Variants in SYT16 observed in about 807,000 individuals in gnomAD.
The protein encoded by SYT16 is synaptotagmin-16.
SYT16 carries 42 observed loss-of-function variants against 61.4 expected under a neutral mutation model. The observed-to-expected ratio is 0.68, with a 90% CI of 0.53 to 0.89. SYT16 has a LOEUF of 0.89. SYT16 is among the 40% of genes least tolerant of loss of function. SYT16 has a pLI of 0.00. For synonymous variants in SYT16, 314 were observed against 302.3 expected (o/e 1.04, Z -0.40); for missense variants, 804 against 807.3 (o/e 1.00, Z 0.05).
chr14:61,959,059 T>C (rs1041412850), intron 1 of SYT16, among the ~76,000 whole-genome samples: 1 of 152,148 alleles, frequency 6.6e-6, no homozygotes, highest in African/African-American at 2.4e-5. Flanking sequence ...CTAATATGAG[T>C]ATAGCCACTT....
chr14:61,946,556 A>T (rs2050446335), intron 1 of SYT16, among the ~76,000 whole-genome samples: 1 of 152,210 alleles, frequency 6.6e-6, no homozygotes, highest in Admixed American at 6.5e-5. Flanking sequence ...AATATATTTT[A>T]AAAAAGAAAA....
At chr14:62,005,615 A>G (rs1200618865) in intron 3 of SYT16, among the ~76,000 whole-genome samples, 1 of 152,148 alleles carries the variant, frequency 6.6e-6, no homozygotes, top group Non-Finnish European at 1.5e-5. Flanking sequence ...TTTCCATTTC[A>G]CAGGCAAAAT....
chr14:62,004,131 A>G (rs1241743109), intron 3 of SYT16, among the ~76,000 whole-genome samples: 1 of 152,170 alleles, frequency 6.6e-6, no homozygotes, highest in Non-Finnish European at 1.5e-5. Context: ...ATAAAGAAAA[A>G]AGCTTTAATT....
chr14:61,980,895 T>C (rs17734069), intron 2 of SYT16, among the ~76,000 whole-genome samples: 31,649 of 152,056 alleles, frequency 0.21, 3,714 homozygotes, highest in Non-Finnish European at 0.27. Context: ...GTAATGGCTA[T>C]AGGGAGCTCT....
At chr14:62,046,758 A>G (rs1285049874) in intron 3 of SYT16, among the ~76,000 whole-genome samples, 1 of 152,096 alleles carries the variant, frequency 6.6e-6, no homozygotes, top group Non-Finnish European at 1.5e-5. Context: ...AAGATCAGAT[A>G]GTTGTAGATA....
chr14:62,107,487 G>T lies in SYT16; in HGVS notation c.*6780G>T, dbSNP rs1194839069. ...TGTAAATGTTCCAGACTCAGGGTTAGGGGTTGGAGAATGGCAGATGGATAA... is the reference window on the plus strand; with the variant it reads ...TGTAAATGTTCCAGACTCAGGGTTATGGGTTGGAGAATGGCAGATGGATAA... On this transcript the variant is annotated 3_prime_UTR_variant, in exon 8 of 8. Coordinates refer to ENST00000683842, the MANE Select transcript of SYT16 (RefSeq NM_001367656.1). The T allele has an allele frequency of 6.6e-6, 1 of 152,156 alleles. No homozygotes were observed. The highest frequency in any genetic ancestry group is 1.5e-5 in the Non-Finnish European group (1 of 68,020). 9.4% of individuals were successfully genotyped at this position (152,156 alleles called of 1,614,324 possible). A position where few individuals can be genotyped will look rare whatever the true frequency, so the allele number is the denominator to read the frequency against.
At chr14:61,988,135 C>A (rs752458497) in intron 2 of SYT16, among the ~76,000 whole-genome samples, 3 of 151,980 alleles carry the variant, frequency 2.0e-5, no homozygotes, top group Non-Finnish European at 2.9e-5. Flanking sequence ...GCGCCCATGG[C>A]CCTGGAGCAC....
chr14:62,031,249 T>C (rs2054298936), intron 3 of SYT16, among the ~76,000 whole-genome samples: 1 of 152,226 alleles, frequency 6.6e-6, no homozygotes, highest in Non-Finnish European at 1.5e-5. Context: ...GATTCCTATT[T>C]GGTTGAGTTC....
At chr14:61,999,241 C>T (rs548048337) in intron 3 of SYT16, among the ~76,000 whole-genome samples, 4 of 151,378 alleles carry the variant, frequency 2.6e-5, no homozygotes, top group South Asian at 4.2e-4. Context: ...TCAGTGAAGC[C>T]TTCTGAGCCC....
chr14:62,000,272 A>G (rs1484733843), intron 3 of SYT16, among the ~76,000 whole-genome samples: 1 of 151,428 alleles, frequency 6.6e-6, no homozygotes, highest in Non-Finnish European at 1.5e-5. Flanking sequence ...CATGTATTAG[A>G]AATATGTATC....
rs184626786 is a variant in SYT16, at chr14:61,964,518, C to T, written c.-324-5614C>T. 1.2e-4 allele frequency among the ~76,000 whole-genome samples: 19 copies of T among 152,198 alleles called. No individual in the cohort carries two copies. The East Asian group carries it at 3.5e-3, about 28-fold the overall frequency. On this transcript the variant is annotated intron_variant, in intron 1 of 7. Coordinates refer to ENST00000683842, the MANE Select transcript of SYT16 (RefSeq NM_001367656.1). ...ACTTGAACAGATGAAAAGTGGCCTT[C>T]CTATAGATAAACAAAGAAAGTGGTT...
intron 1 of SYT16, among the ~76,000 whole-genome samples, chr14:61,926,481 T>C (rs2049543742): frequency 1.3e-5 from 2 of 152,202 alleles, no homozygotes; most frequent in Non-Finnish European, 1.5e-5. Context: ...AACATTCTGC[T>C]TCTGTGCTTT....
intron 1 of SYT16, among the ~76,000 whole-genome samples, chr14:61,841,436 T>A (rs1156612856): frequency 6.6e-6 from 1 of 152,212 alleles, no homozygotes; most frequent in Non-Finnish European, 1.5e-5. Context: ...TTAGAAGCAA[T>A]GGAGGAATTC....
chr14:62,019,344 C>T (rs1030136523), intron 3 of SYT16, among the ~76,000 whole-genome samples: 3 of 151,986 alleles, frequency 2.0e-5, no homozygotes, highest in Admixed American at 6.6e-5. Flanking sequence ...TGAGTCAGTC[C>T]CATTTTTTAA....
chr14:61,904,507 C>T (rs1168002001), intron 1 of SYT16, among the ~76,000 whole-genome samples: 2 of 152,116 alleles, frequency 1.3e-5, no homozygotes, highest in East Asian at 1.9e-4. Context: ...TAAACTTTTA[C>T]GAAGAGCTGT....
intron 1 of SYT16, among the ~76,000 whole-genome samples, chr14:61,847,136 C>T (rs927155765): frequency 6.6e-6 from 1 of 152,148 alleles, no homozygotes; most frequent in Admixed American, 6.5e-5. Flanking sequence ...CTTACTGTTA[C>T]CAGTGAGTTT....
intron 4 of SYT16, among the ~76,000 whole-genome samples, chr14:62,071,208 C>T (rs942228845): frequency 6.6e-6 from 1 of 152,218 alleles, no homozygotes; most frequent in African/African-American, 2.4e-5. Flanking sequence ...TGTTACATCA[C>T]AGCATTCCTT....
intron 1 of SYT16, among the ~76,000 whole-genome samples, chr14:61,817,785 A>G (rs2045488645): frequency 6.6e-6 from 1 of 152,244 alleles, no homozygotes; most frequent in African/African-American, 2.4e-5. Context: ...CTTAAATTTG[A>G]TATTTTTATT....
intron 3 of SYT16, among the ~76,000 whole-genome samples, chr14:62,007,929 C>G (rs2053289413): frequency 6.6e-6 from 1 of 151,724 alleles, no homozygotes; most frequent in Non-Finnish European, 1.5e-5. Context: ...TAAAAAAGCT[C>G]AGAAGTTTTC....
Sources: allele counts gnomAD v4.1 joint callset (sites outside exome capture counted in the v4.1 genomes callset), GRCh38; gene constraint gnomAD v4.1.1; transcripts MANE v1.5; gene names NCBI Gene and HGNC (gene_info 2026-07-23, HGNC 2026-07-21).